The following SLC5A11 variants were observed in gnomAD, a reference collection of about 807,000 sequenced individuals.
The protein encoded by SLC5A11 is sodium/myo-inositol cotransporter 2.
In SLC5A11, 48 loss-of-function variants were observed where a neutral mutation model predicts 69.8. The observed-to-expected ratio is 0.69, with a 90% confidence interval of 0.55 to 0.87. The LOEUF (loss-of-function observed/expected upper bound fraction) is 0.87, where lower values mean the gene tolerates loss of function less well. Among genes scored for constraint, SLC5A11 ranks in the 40% least tolerant of loss-of-function variants. The probability of loss-of-function intolerance (pLI) is 0.00; values close to 1 mark genes in which losing one functional copy is unlikely to be tolerated. For missense variants in SLC5A11, 784 were observed against 866.1 expected (o/e 0.91, Z 1.19); for synonymous variants, 319 against 342.4 (o/e 0.93, Z 0.75).
At chr16:24,872,777 C>T (rs2047388676) in intron 5 of SLC5A11, among the ~76,000 whole-genome samples, 2 of 151,340 alleles carry the variant, frequency 1.3e-5, no homozygotes, top group Admixed American at 6.6e-5. Flanking sequence ...ACACCTCAGC[C>T]TCCCAATCTG....
intron 6 of SLC5A11, 117 bp downstream of exon 7, chr16:24,875,848 C>A: frequency 1.2e-6 from 1 of 830,040 alleles, no homozygotes; most frequent in Non-Finnish European, 1.9e-6. Context: ...TCATAGGCTG[C>A]AGGGAGATTA....
At position 24,905,625 on chromosome 16, in the gene SLC5A11, A is replaced by AAC. The variant is rs1318900538; in HGVS notation, c.1007-1029_1007-1028dup. ...CGACAGAGCAAGACCCCATCTCAAA[A>AAC]ACACGCGCGCGCGCGCACACACACA... On this transcript the variant is annotated intron_variant, in intron 10 of 15. Coordinates refer to ENST00000347898, the Ensembl canonical transcript of SLC5A11. Among the ~76,000 whole-genome samples the AAC allele has an allele frequency of 4.5e-4, 55 of 122,930 alleles. 1 individual carries two copies. The highest frequency in any genetic ancestry group is 1.4e-3 in the African/African-American group (45 of 31,706). The allele number at this position is 122,930 out of a possible 152,430, so 80.6% of individuals were successfully genotyped here.
intron 6 of SLC5A11, chr16:24,877,001 G>A (rs2047717804): frequency 8.9e-7 from 1 of 1,129,518 alleles, no homozygotes; most frequent in Non-Finnish European, 1.2e-6. Flanking sequence ...GTTGCAGTGT[G>A]GAAGATGGAG....
intron 15 of SLC5A11, 73 bp downstream of exon 16, chr16:24,910,550 A>G: frequency 7.6e-6 from 9 of 1,191,018 alleles, no homozygotes; most frequent in Non-Finnish European, 9.4e-6. Flanking sequence ...TTTTTTTCCT[A>G]TCAAATCACA....
chr16:24,865,287 A>G (rs1007722097), intron 3 of SLC5A11, among the ~76,000 whole-genome samples: 3 of 152,198 alleles, frequency 2.0e-5, no homozygotes, highest in Non-Finnish European at 2.9e-5. Flanking sequence ...TCGGCTGGGC[A>G]CGGTGGCTCA....
At chr16:24,895,880 A>T (rs1276931224) in intron 9 of SLC5A11, among the ~76,000 whole-genome samples, 1 of 152,176 alleles carries the variant, frequency 6.6e-6, no homozygotes, top group Admixed American at 6.6e-5. Context: ...ATACCGCCCA[A>T]GGTGACATCT....
chr16:24,884,655 ATC>A (rs2152343725), intron 8 of SLC5A11, among the ~76,000 whole-genome samples: 1 of 146,124 alleles, frequency 6.8e-6, no homozygotes, highest in Admixed American at 6.9e-5. Flanking sequence ...TCAAGTAAAA[ATC>A]TCTTTCTATA....
chr16:24,856,799 A>G (rs925335687), intron 1 of SLC5A11, among the ~76,000 whole-genome samples: 7 of 151,332 alleles, frequency 4.6e-5, no homozygotes, highest in African/African-American at 1.7e-4. Flanking sequence ...TAAAAATAAT[A>G]AAATAAAATA....
chr16:24,887,802 CTT>C (rs1350087455), intron 8 of SLC5A11, among the ~76,000 whole-genome samples: 1 of 152,034 alleles, frequency 6.6e-6, no homozygotes, highest in African/African-American at 2.4e-5. Context: ...GAAAATGTAA[CTT>C]GATATAATTT....
chr16:24,866,698 T>C (rs1347625918), intron 3 of SLC5A11, among the ~76,000 whole-genome samples: 1 of 151,734 alleles, frequency 6.6e-6, no homozygotes, highest in East Asian at 1.9e-4. Flanking sequence ...ATATATAACA[T>C]ACAAACAGTA....
chr16:24,890,980 A>G, exon 9 of SLC5A11: 2 of 1,614,174 alleles, frequency 1.2e-6, no homozygotes, highest in Non-Finnish European at 1.7e-6. Flanking sequence ...GATGCCTTCC[A>G]TATTTTCCGA....
intron 9 of SLC5A11, among the ~76,000 whole-genome samples, chr16:24,897,743 G>C (rs760652094): frequency 8.5e-5 from 13 of 152,172 alleles, no homozygotes; most frequent in African/African-American, 1.2e-4. Context: ...GAGAGAATGA[G>C]AGCCAAGTGA....
intron 7 of SLC5A11, among the ~76,000 whole-genome samples, chr16:24,880,168 G>GAA (rs932231769): frequency 1.4e-5 from 2 of 147,570 alleles, no homozygotes; most frequent in African/African-American, 2.5e-5. Flanking sequence ...GATAATTTAT[G>GAA]AAAAAAAAAA....
intron 8 of SLC5A11, among the ~76,000 whole-genome samples, chr16:24,886,674 A>C (rs1342982337): frequency 2.6e-5 from 4 of 152,218 alleles, no homozygotes; most frequent in Non-Finnish European, 4.4e-5. Flanking sequence ...AAAAATGTGA[A>C]GTATAAGAAT....
At chr16:24,858,555 C>T in intron 1 of SLC5A11, 65 bp from the exon 3 acceptor site, 1 of 1,464,644 alleles carries the variant, frequency 6.8e-7, no homozygotes. Flanking sequence ...AGGGAGGTAG[C>T]TACAGAAAGG....
At chr16:24,858,515 TCCAC>T in intron 1 of SLC5A11, 101 bp from the exon 3 acceptor site, 4 of 976,710 alleles carry the variant, frequency 4.1e-6, no homozygotes, top group Non-Finnish European at 5.8e-6. Context: ...CACACATCCC[TCCAC>T]ATGGGTCCTC....
exon 10 of SLC5A11, chr16:24,898,028 G>A: frequency 6.2e-7 from 1 of 1,614,172 alleles, no homozygotes; most frequent in Non-Finnish European, 8.5e-7. Context: ...CAAAGGAGGT[G>A]CTCTGATGGC....
intron 1 of SLC5A11, among the ~76,000 whole-genome samples, chr16:24,853,844 C>T (rs1286692557): frequency 1.3e-5 from 2 of 152,248 alleles, no homozygotes; most frequent in East Asian, 3.8e-4. Flanking sequence ...AGGGCCGATT[C>T]TCAGTATACC....
intron 2 of SLC5A11, among the ~76,000 whole-genome samples, chr16:24,860,670 G>A (rs1478136998): frequency 6.6e-6 from 1 of 151,976 alleles, no homozygotes; most frequent in Non-Finnish European, 1.5e-5. Flanking sequence ...ACTCATTTTT[G>A]TCAGACTAGG....
Sources: allele counts gnomAD v4.1 joint callset (sites outside exome capture counted in the v4.1 genomes callset), GRCh38; gene constraint gnomAD v4.1.1; transcripts MANE v1.5; gene names NCBI Gene and HGNC (gene_info 2026-07-23, HGNC 2026-07-21).